Variants in CNTNAP5 observed in about 807,000 individuals in gnomAD.
CNTNAP5 encodes contactin associated protein family member 5.
In CNTNAP5, 72 loss-of-function variants were observed where a neutral mutation model predicts 150.2. The ratio of observed to expected loss-of-function variants is 0.48; its 90% CI spans 0.40 to 0.58. CNTNAP5 has a LOEUF of 0.58. Ranked by LOEUF, CNTNAP5 falls within the 20% of genes least tolerant of loss-of-function variation. The pLI, the probability that CNTNAP5 is intolerant of heterozygous loss-of-function variation, is 0.00. For missense variants in CNTNAP5, 1,636 were observed against 1,626.2 expected (o/e 1.01, Z -0.10); for synonymous variants, 672 against 619.8 (o/e 1.08, Z -1.25).
At chr2:124,193,582 T>C (rs983428371) in intron 1 of CNTNAP5, among the ~76,000 whole-genome samples, 1 of 152,176 alleles carries the variant, frequency 6.6e-6, no homozygotes, top group African/African-American at 2.4e-5. Context: ...AAGCTCTAGG[T>C]TGGCATTCCT....
At chr2:124,635,944 T>C (rs914617583) in intron 12 of CNTNAP5, among the ~76,000 whole-genome samples, 1 of 152,216 alleles carries the variant, frequency 6.6e-6, no homozygotes, top group Non-Finnish European at 1.5e-5. Flanking sequence ...CATTGACTGA[T>C]TGCTGTCCAT....
intron 19 of CNTNAP5, among the ~76,000 whole-genome samples, chr2:124,802,212 TTC>T (rs1454034728): frequency 6.6e-6 from 1 of 152,190 alleles, no homozygotes; most frequent in Non-Finnish European, 1.5e-5. Flanking sequence ...CTGCACACAA[TTC>T]TCAGCTTGCA....
chr2:124,683,219 G>C (rs1045646176), intron 13 of CNTNAP5, among the ~76,000 whole-genome samples: 3 of 152,106 alleles, frequency 2.0e-5, no homozygotes, highest in Non-Finnish European at 4.4e-5. Context: ...ATACTATGTA[G>C]ATTCTTTTCA....
chr2:124,369,221 CAG>C (rs1690455392), intron 3 of CNTNAP5, among the ~76,000 whole-genome samples: 1 of 152,098 alleles, frequency 6.6e-6, no homozygotes, highest in African/African-American at 2.4e-5. Context: ...CTTATAATTG[CAG>C]AGTCTTTGAA....
At chr2:124,057,889 CCTG>C (rs1558740556) in intron 1 of CNTNAP5, among the ~76,000 whole-genome samples, 1 of 152,024 alleles carries the variant, frequency 6.6e-6, no homozygotes, top group East Asian at 1.9e-4. Context: ...CCCCATTCAC[CCTG>C]CTGGGATCAT....
At chr2:124,070,597 A>G (rs1682281520) in intron 1 of CNTNAP5, among the ~76,000 whole-genome samples, 1 of 151,966 alleles carries the variant, frequency 6.6e-6, no homozygotes, top group South Asian at 2.1e-4. Context: ...AAATAGAGAC[A>G]AAGAAGGGCA....
intron 1 of CNTNAP5, among the ~76,000 whole-genome samples, chr2:124,095,174 A>G (rs1290256552): frequency 1.3e-5 from 2 of 152,184 alleles, no homozygotes; most frequent in Non-Finnish European, 2.9e-5. Flanking sequence ...ATGAAAAAGG[A>G]TGAGTTCATG....
Position 124,602,346 on chromosome 2 carries a change from AAAAAAAAAAAAAAAG to A in CNTNAP5, c.1757-7452_1757-7438del, listed in dbSNP as rs1386967337. On this transcript the variant is annotated intron_variant, in intron 11 of 23. Coordinates refer to ENST00000682447, the MANE Select transcript of CNTNAP5 (RefSeq NM_001367498.1). ...ACAGAGCAAGACTTCACCAAAAAAA[AAAAAAAAAAAAAAAG>A]AATAAAGGCAATATCATGTAATTGT... Among the ~76,000 whole-genome samples, 30 of 150,930 alleles carry A rather than the reference AAAAAAAAAAAAAAAG, an allele frequency of 2.0e-4. No individual in the cohort carries two copies. The East Asian group carries it at 5.6e-3, about 28-fold the overall frequency.
intron 21 of CNTNAP5, among the ~76,000 whole-genome samples, chr2:124,885,405 G>C (rs781410007): frequency 5.9e-5 from 9 of 151,942 alleles, no homozygotes; most frequent in Non-Finnish European, 1.2e-4. Flanking sequence ...CACATCCTCA[G>C]ACCATTATAA....
chr2:124,802,375 A>G (rs1273351230), intron 19 of CNTNAP5, among the ~76,000 whole-genome samples: 11 of 152,226 alleles, frequency 7.2e-5, no homozygotes, highest in African/African-American at 2.7e-4. Flanking sequence ...TTCTCCAACT[A>G]GAGAATCATT....
intron 1 of CNTNAP5, among the ~76,000 whole-genome samples, chr2:124,175,625 T>A (rs1240695124): frequency 6.6e-6 from 1 of 152,122 alleles, no homozygotes; most frequent in Non-Finnish European, 1.5e-5. Flanking sequence ...ATTGTTCTCA[T>A]CTTTATGGAC....
chr2:124,247,995 T>C (rs1687072953), intron 3 of CNTNAP5, among the ~76,000 whole-genome samples: 1 of 152,222 alleles, frequency 6.6e-6, no homozygotes, highest in Admixed American at 6.5e-5. Flanking sequence ...AATTTCAGTT[T>C]TGGCAATTAT....
intron 19 of CNTNAP5, among the ~76,000 whole-genome samples, chr2:124,814,129 C>G (rs1023079849): frequency 1.3e-5 from 2 of 151,078 alleles, no homozygotes; most frequent in Non-Finnish European, 2.9e-5. Flanking sequence ...TTTTATGATT[C>G]TTACACCCCA....
At chr2:124,668,486 C>G (rs1044095306) in intron 13 of CNTNAP5, among the ~76,000 whole-genome samples, 1 of 152,142 alleles carries the variant, frequency 6.6e-6, no homozygotes. Context: ...CAGGGAGAGG[C>G]CTTCATAATT....
intron 11 of CNTNAP5, among the ~76,000 whole-genome samples, chr2:124,578,330 C>CAAAA (rs556025524): frequency 1.8e-5 from 1 of 56,408 alleles, no homozygotes; most frequent in Non-Finnish European, 4.0e-5. Flanking sequence ...GACTTTGTCT[C>CAAAA]AAAAAAAAAA....
intron 13 of CNTNAP5, among the ~76,000 whole-genome samples, chr2:124,711,591 G>A (rs984599814): frequency 1.2e-4 from 18 of 152,098 alleles, no homozygotes; most frequent in Admixed American, 1.1e-3. Flanking sequence ...TGTATTTGAG[G>A]CTGAAGCAGG....
chr2:124,723,696 GA>G (rs1339306658), intron 13 of CNTNAP5, among the ~76,000 whole-genome samples: 1 of 152,114 alleles, frequency 6.6e-6, no homozygotes, highest in Non-Finnish European at 1.5e-5. Context: ...CTTCAATTTT[GA>G]CTTGCAGATG....
At position 124,785,052 on chromosome 2, in the gene CNTNAP5, A is replaced by AC. The variant is rs1240213991; in HGVS notation, c.2753-4850_2753-4849insC. On this transcript the variant is annotated intron_variant, in intron 17 of 23. Coordinates refer to ENST00000682447, the MANE Select transcript of CNTNAP5 (RefSeq NM_001367498.1). ...GAGATTAAGGCTGAGAAAAAAAAAA[A>AC]AAAAACAAAAGAAAAAGAAAAAGAA... Among the ~76,000 whole-genome samples the AC allele has an allele frequency of 4.0e-5, 6 of 151,328 alleles. 1 individual carries two copies. The highest frequency in any genetic ancestry group is 3.9e-4 in the East Asian group (2 of 5,178).
chr2:124,365,394 A>G (rs1311304692), intron 3 of CNTNAP5, among the ~76,000 whole-genome samples: 1 of 152,094 alleles, frequency 6.6e-6, no homozygotes, highest in East Asian at 1.9e-4. Context: ...ATACTTTGCC[A>G]TTTCTCAGAA....
Sources: gnomAD v4.1 joint callset for allele counts (sites outside exome capture counted in the v4.1 genomes callset) on GRCh38, gnomAD v4.1.1 for gene constraint, MANE v1.5 for transcripts, NCBI Gene and HGNC (gene_info 2026-07-23, HGNC 2026-07-21) for gene names.